Variants in UBR1 observed in about 807,000 individuals in gnomAD.
The protein encoded by UBR1 is E3 ubiquitin-protein ligase UBR1.
Under a neutral mutation model 242.1 loss-of-function variants are expected in UBR1, and 102 were observed. The observed-to-expected ratio is 0.42, with a 90% CI of 0.36 to 0.50. The LOEUF is 0.50. Ranked by LOEUF, UBR1 falls within the 20% of genes least tolerant of loss-of-function variation. The probability of loss-of-function intolerance (pLI) is 0.01; values close to 1 mark genes in which losing one functional copy is unlikely to be tolerated. For missense variants in UBR1, 1,772 were observed against 2,101.8 expected, an observed-to-expected ratio of 0.84 and a Z score of 3.07; for synonymous variants, 675 against 684.8, an observed-to-expected ratio of 0.99 and a Z score of 0.22.
In UBR1 at chr15:42,963,963, A is replaced by T; in HGVS notation, c.4672T>A (p.Trp1558Arg). The change falls in exon 42 of 47, where the codon TGG becomes AGG. Residue 1558 changes from tryptophan (W) to arginine (R), a missense_variant. Around this residue, in one of 3 missense-constraint regions of UBR1, gnomAD observed 965 missense variants for 1,079.7 expected, o/e 0.89. Coordinates refer to ENST00000290650, the MANE Select transcript of UBR1 (RefSeq NM_174916.3). ...TGGAGCAAGGGCCTTACAGTATCCC[A>T]ATATTCCTGGAAGAGCAGGAACAAA... Reference protein sequence around the residue: ...TNLFLLFQEYWDTVRPLLQRW... With the variant: ...TNLFLLFQEYRDTVRPLLQRW... 1 of 1,613,250 alleles carries T rather than the reference A, an allele frequency of 6.2e-7. No individual in the cohort carries two copies. Among genetic ancestry groups the T allele is most frequent in the Admixed American group, 1.7e-5 (1 of 60,000 alleles).
intron 8 of UBR1, among the ~76,000 whole-genome samples, chr15:43,059,488 C>G (rs2033656655): frequency 6.6e-6 from 1 of 151,266 alleles, no homozygotes; most frequent in African/African-American, 2.4e-5. Context: ...GACTCAACAG[C>G]CAATAAAAAG....
At chr15:42,982,534 A>G (rs2141271427) in intron 37 of UBR1, among the ~76,000 whole-genome samples, 1 of 152,312 alleles carries the variant, frequency 6.6e-6, no homozygotes, top group East Asian at 1.9e-4. Flanking sequence ...AGTTAATTTG[A>G]AAATATAAAA....
chr15:43,003,995 A>C, intron 30 of UBR1, 65 bp from the exon 31 acceptor site: 1 of 1,407,658 alleles, frequency 7.1e-7, no homozygotes, highest in Non-Finnish European at 1.0e-6. Flanking sequence ...GTCTAATCAC[A>C]AACTGTCTTA....
intron 6 of UBR1, among the ~76,000 whole-genome samples, chr15:43,067,037 T>C (rs1029488962): frequency 2.0e-5 from 3 of 152,218 alleles, no homozygotes; most frequent in Admixed American, 6.5e-5. Flanking sequence ...TGCCAAGATA[T>C]TGATCCTCTT....
intron 10 of UBR1, among the ~76,000 whole-genome samples, chr15:43,056,781 T>G (rs986457548): frequency 1.3e-5 from 2 of 152,188 alleles, no homozygotes; most frequent in Admixed American, 6.5e-5. Context: ...TGGGGCAATC[T>G]TTAGCAGCTT....
chr15:43,093,254 G>C (rs2034124229), intron 1 of UBR1, among the ~76,000 whole-genome samples: 1 of 152,192 alleles, frequency 6.6e-6, no homozygotes, highest in Non-Finnish European at 1.5e-5. Context: ...TACTTAAGTA[G>C]ATTAGTTTTG....
intron 12 of UBR1, among the ~76,000 whole-genome samples, chr15:43,051,399 C>A (rs1286146436): frequency 6.6e-6 from 1 of 152,084 alleles, no homozygotes; most frequent in Non-Finnish European, 1.5e-5. Context: ...TAGAGGGGAA[C>A]AACACACACT....
At chr15:43,063,440 T>G (rs1191217998) in intron 6 of UBR1, among the ~76,000 whole-genome samples, 2 of 152,074 alleles carry the variant, frequency 1.3e-5, no homozygotes, top group African/African-American at 4.8e-5. Flanking sequence ...ACCACAATAA[T>G]ATATCTTGAT....
rs528325396 is a variant in UBR1 at position 43,067,662 on chromosome 15, C to G, written c.798+236G>C. 6.6e-5 allele frequency among the ~76,000 whole-genome samples: 10 copies of G among 152,014 alleles called. 1 individual carries two copies. In the South Asian group the frequency reaches 2.1e-3, roughly 32 times the overall value. On this transcript the variant is annotated intron_variant, in intron 6 of 46. Transcript: ENST00000290650. ...AGATGACATTCTTACCTACGCTTTG[C>G]CAAATAAATTCAGTAACTTTCTAAT...
chr15:42,993,184 G>C (rs1223750462), intron 33 of UBR1, among the ~76,000 whole-genome samples: 2 of 152,108 alleles, frequency 1.3e-5, no homozygotes, highest in African/African-American at 2.4e-5. Flanking sequence ...GTTCTTGAGT[G>C]AAAGTTGGGA....
chr15:43,081,157 G>A (rs747685118), intron 3 of UBR1, among the ~76,000 whole-genome samples: 3 of 151,894 alleles, frequency 2.0e-5, no homozygotes, highest in Non-Finnish European at 4.4e-5. Context: ...GGTGGCTCAC[G>A]CCTGTAATCC....
chr15:42,949,445 TAAA>T (rs71108191), intron 46 of UBR1, among the ~76,000 whole-genome samples: 2 of 149,760 alleles, frequency 1.3e-5, no homozygotes, highest in Non-Finnish European at 3.0e-5. Flanking sequence ...TAAAATAAAA[TAAA>T]AAAAAAATTA....
chr15:43,006,322 T>G (rs2032829099), intron 30 of UBR1, among the ~76,000 whole-genome samples: 1 of 152,218 alleles, frequency 6.6e-6, no homozygotes, highest in Non-Finnish European at 1.5e-5. Flanking sequence ...CTGGCAATGT[T>G]AAGTTTTCAA....
intron 7 of UBR1, 97 bp downstream of exon 7, chr15:43,059,955 C>G: frequency 6.5e-7 from 1 of 1,550,212 alleles, no homozygotes; most frequent in Non-Finnish European, 8.9e-7. Context: ...TGCCCCAAAC[C>G]ACTTCAACGA....
chr15:43,023,745 A>C (rs1317192876), intron 25 of UBR1, among the ~76,000 whole-genome samples: 1 of 152,088 alleles, frequency 6.6e-6, no homozygotes, highest in Non-Finnish European at 1.5e-5. Context: ...ATTGGGAAGT[A>C]GGCACTTTTG....
At chr15:42,972,617 C>T (rs1413549842) in intron 39 of UBR1, among the ~76,000 whole-genome samples, 2 of 152,122 alleles carry the variant, frequency 1.3e-5, no homozygotes, top group Non-Finnish European at 2.9e-5. Context: ...GTGATCCACC[C>T]GTCTTGTCCT....
intron 46 of UBR1, among the ~76,000 whole-genome samples, chr15:42,946,875 C>T (rs1444127529): frequency 6.6e-6 from 1 of 152,136 alleles, no homozygotes; most frequent in Non-Finnish European, 1.5e-5. Context: ...CAGTTGGGTG[C>T]AGTGGCTCAT....
rs1158967603 is a variant in UBR1 at position 43,009,310 on chromosome 15, C to G, written c.3210-2026G>C. On this transcript the variant is annotated intron_variant, in intron 29 of 46. Transcript: ENST00000290650. ...GAACCTGCTGGTGCATATGATCCAG[C>G]TGCAGGCTTGCACAGAGCTGGCCCC... 2.0e-5 allele frequency among the ~76,000 whole-genome samples: 3 copies of G among 152,368 alleles called. No individual in the cohort carries two copies. The East Asian group carries it at 5.8e-4, about 29-fold the overall frequency.
chr15:43,066,761 C>T (rs1016284404), intron 6 of UBR1, among the ~76,000 whole-genome samples: 5 of 152,156 alleles, frequency 3.3e-5, no homozygotes, highest in African/African-American at 9.6e-5. Context: ...AACTGCATAC[C>T]CCATAGCAAA....
Sources: allele counts gnomAD v4.1 joint callset (sites outside exome capture counted in the v4.1 genomes callset), GRCh38; gene constraint gnomAD v4.1.1; regional missense constraint gnomAD v4.1.1; transcripts MANE v1.5; gene names NCBI Gene and HGNC (gene_info 2026-07-23, HGNC 2026-07-21).